CSMD1: variants seen among roughly 807,000 people sequenced by gnomAD.
CSMD1 encodes the protein CUB and Sushi multiple domains 1.
A neutral mutation model predicts 417.5 loss-of-function variants in CSMD1; 213 were observed. The ratio of observed to expected loss-of-function variants is 0.51; its 90% CI spans 0.46 to 0.57. The LOEUF (loss-of-function observed/expected upper bound fraction) is 0.57. Among genes scored for constraint, CSMD1 ranks in the 20% least tolerant of loss-of-function variants. CSMD1 has a pLI of 0.00. For missense variants in CSMD1, 6,923 were observed against 4,529.7 expected, an observed-to-expected ratio of 1.53 and a Z score of -15.17; for synonymous variants, 2,862 against 1,736.8, an observed-to-expected ratio of 1.65 and a Z score of -16.11.
chr8:2,942,550 C>T lies in CSMD1; in HGVS notation c.10457G>A (p.Gly3486Asp). The change falls in exon 69 of 70, where the codon GGC becomes GAC. Residue 3486 changes from glycine (G) to aspartate (D), a missense_variant. By Grantham distance (94) the Gly-to-Asp change is moderately conservative. Coordinates refer to ENST00000635120, the MANE Select transcript of CSMD1 (RefSeq NM_033225.6). ...SSSHYHGTSS[G>D]SVAAAILVPF... ...AACCAGAATGGCAGCCGCCACAGAG[C>T]CACTGCTGGTGCCGTGGTAATGACT... The T allele has an allele frequency of 6.2e-7, 1 of 1,609,364 alleles. No individual in the cohort carries two copies. The highest frequency in any genetic ancestry group is 8.5e-7 in the Non-Finnish European group (1 of 1,177,474).
chr8:3,971,688 G>C (rs1289912866), intron 5 of CSMD1, among the ~76,000 whole-genome samples: 4 of 152,120 alleles, frequency 2.6e-5, no homozygotes, highest in African/African-American at 4.8e-5. Flanking sequence ...GAGGGAGAAA[G>C]GATGCAAGGA....
chr8:4,043,263 G>A (rs140154383), intron 3 of CSMD1, among the ~76,000 whole-genome samples: 1 of 152,026 alleles, frequency 6.6e-6, no homozygotes, highest in Non-Finnish European at 1.5e-5. Flanking sequence ...TAGCATAGGA[G>A]ATAAAACGAA....
intron 4 of CSMD1, among the ~76,000 whole-genome samples, chr8:4,018,929 A>G (rs1328419057): frequency 6.6e-6 from 1 of 152,130 alleles, no homozygotes; most frequent in Non-Finnish European, 1.5e-5. Flanking sequence ...AATAACAAGA[A>G]CATACGTAAG....
intron 3 of CSMD1, among the ~76,000 whole-genome samples, chr8:4,238,803 G>C (rs1026699659): frequency 4.6e-5 from 7 of 152,278 alleles, no homozygotes; most frequent in Middle Eastern, 3.4e-3. Context: ...AGTAACTTTT[G>C]TAAATGCTTT....
At chr8:3,111,398 G>A (rs142258658) in intron 42 of CSMD1, among the ~76,000 whole-genome samples, 9 of 152,232 alleles carry the variant, frequency 5.9e-5, no homozygotes, top group African/African-American at 2.2e-4. Context: ...GTTTTACTGC[G>A]TAATTATTAC....
chr8:2,989,825 G>C lies in CSMD1; in HGVS notation c.8377+8186C>G, dbSNP rs142392305. ...CTCATTCTGCAAGAACAAGTTTTGT[G>C]TCCAATGCACAGATGCCACGGCAGA... On this transcript the variant is annotated intron_variant, in intron 54 of 69. Transcript: ENST00000635120. 5.8e-3 allele frequency among the ~76,000 whole-genome samples: 889 copies of C among 152,292 alleles called. 7 individuals carry two copies. Among genetic ancestry groups the C allele is most frequent in the African/African-American group, 0.02 (848 of 41,566 alleles).
chr8:4,128,294 T>C (rs1013818693), intron 3 of CSMD1, among the ~76,000 whole-genome samples: 4 of 152,134 alleles, frequency 2.6e-5, no homozygotes, highest in Non-Finnish European at 4.4e-5. Context: ...CTGAGAAGAC[T>C]CGTGAATTAC....
At chr8:3,221,612 G>T (rs1300518207) in intron 28 of CSMD1, among the ~76,000 whole-genome samples, 3 of 150,110 alleles carry the variant, frequency 2.0e-5, no homozygotes, top group African/African-American at 4.9e-5. Context: ...CAAAATTCAT[G>T]CGTAGAAGTC....
At chr8:4,731,139 T>A (rs1027572538) in intron 1 of CSMD1, among the ~76,000 whole-genome samples, 1 of 152,192 alleles carries the variant, frequency 6.6e-6, no homozygotes, top group African/African-American at 2.4e-5. Context: ...TGAGATGGCT[T>A]CGAGTAGCAT....
intron 7 of CSMD1, among the ~76,000 whole-genome samples, chr8:3,669,481 A>T (rs9314502): frequency 0.16 from 24,199 of 152,122 alleles, 2,123 homozygotes; most frequent in South Asian, 0.22. Context: ...CAGTAATTAG[A>T]TATCCTCTAC....
At chr8:4,024,846 G>A (rs1433395345) in intron 4 of CSMD1, among the ~76,000 whole-genome samples, 3 of 152,196 alleles carry the variant, frequency 2.0e-5, no homozygotes, top group Non-Finnish European at 2.9e-5. Flanking sequence ...CTGCAATGCT[G>A]CTGAGAATTG....
chr8:2,999,973 T>C lies in CSMD1; in HGVS notation c.8188A>G (p.Thr2730Ala). 1.2e-6 allele frequency: 2 copies of C among 1,608,394 alleles called. No homozygotes were observed. Among genetic ancestry groups the C allele is most frequent in the South Asian group, 2.2e-5 (2 of 90,218 alleles). ...CLQDHKWSGQ[T>A]PVCVPITCGH... The stretch of plus-strand genomic sequence containing the variant: ...GTGCACTTACGGACACAGACAGGCG[T>C]TTGTCCAGACCACTTGTGGTCTTGC... Residue 2730 changes from threonine (T) to alanine (A), a missense_variant, in exon 53 of 70, where the codon ACG (threonine) becomes GCG (alanine). By Grantham distance (58) the Thr-to-Ala change is moderately conservative. Transcript: ENST00000635120.
intron 5 of CSMD1, among the ~76,000 whole-genome samples, chr8:3,831,855 A>T (rs1163540103): frequency 6.6e-6 from 1 of 152,188 alleles, no homozygotes; most frequent in African/African-American, 2.4e-5. Context: ...TGTTCATATA[A>T]CATAGCATCT....
At chr8:4,089,319 G>A (rs1048924808) in intron 3 of CSMD1, among the ~76,000 whole-genome samples, 1 of 152,184 alleles carries the variant, frequency 6.6e-6, no homozygotes, top group African/African-American at 2.4e-5. Context: ...AAGAAAGAAG[G>A]AAAGAAGAGA....
In CSMD1 at chr8:4,796,716, C is replaced by G. The variant is rs528774436; in HGVS notation, c.86-159158G>C. 3.3e-5 allele frequency among the ~76,000 whole-genome samples: 5 copies of G among 152,282 alleles called. No homozygotes were observed. The East Asian group carries it at 7.7e-4, about 24-fold the overall frequency. On this transcript the variant is annotated intron_variant, in intron 1 of 69. Transcript: ENST00000635120. ...CCATTGACCATTTCCCTCCTTGTACCAGGGCTCAAAATCCCTCCCATTTTT... is the reference window on the plus strand; with the variant it reads ...CCATTGACCATTTCCCTCCTTGTACGAGGGCTCAAAATCCCTCCCATTTTT...
intron 26 of CSMD1, among the ~76,000 whole-genome samples, chr8:3,240,435 GTTT>G (rs869247537): frequency 7.5e-6 from 1 of 133,996 alleles, no homozygotes; most frequent in African/African-American, 2.7e-5. Context: ...AGGAGTTGTT[GTTT>G]TATAGGTGTT....
At chr8:2,996,170 T>C (rs769923300) in intron 54 of CSMD1, among the ~76,000 whole-genome samples, 43 of 149,800 alleles carry the variant, frequency 2.9e-4, no homozygotes, top group African/African-American at 7.5e-4. Context: ...AAAGGAGGAC[T>C]TTAATGGGAA....
chr8:4,803,064 T>G lies in CSMD1; in HGVS notation c.86-165506A>C, dbSNP rs142880462. Among the ~76,000 whole-genome samples the G allele has an allele frequency of 4.4e-3, 672 of 152,298 alleles. 4 individuals are homozygous for G. Among genetic ancestry groups the G allele is most frequent in the Non-Finnish European group, 5.4e-3 (366 of 68,014 alleles). ...TTTCTAATTCAATAAAAACAGATCTTGATATTGTGTTACAGAAAAGTACAA... is the reference window on the plus strand; with the variant it reads ...TTTCTAATTCAATAAAAACAGATCTGGATATTGTGTTACAGAAAAGTACAA... On this transcript the variant is annotated intron_variant, in intron 1 of 69. Transcript: ENST00000635120.
At position 3,298,041 on chromosome 8, in the gene CSMD1, C is replaced by A. The variant is rs546171964; in HGVS notation, c.3950+9654G>T. Reference sequence around the variant, plus strand: ...TCAGGGAAATGCAAATAAAAAGGTACCACACCCCCAGTAGAATGGCTAAAA... The same window carrying A: ...TCAGGGAAATGCAAATAAAAAGGTAACACACCCCCAGTAGAATGGCTAAAA... On this transcript the variant is annotated intron_variant, in intron 25 of 69. Transcript: ENST00000635120. 1.2e-4 allele frequency among the ~76,000 whole-genome samples: 19 copies of A among 152,174 alleles called. No homozygotes were observed. The East Asian group carries it at 3.1e-3, about 25-fold the overall frequency.
Sources: gnomAD v4.1 joint callset for allele counts (sites outside exome capture counted in the v4.1 genomes callset) on GRCh38, gnomAD v4.1.1 for gene constraint, MANE v1.5 for transcripts, NCBI Gene and HGNC (gene_info 2026-07-23, HGNC 2026-07-21) for gene names.